Variants in CNTNAP3 observed in about 807,000 individuals in gnomAD.
CNTNAP3 encodes the protein contactin associated protein family member 3.
A neutral mutation model predicts 92.1 loss-of-function variants in CNTNAP3; 36 were observed. The ratio of observed to expected loss-of-function variants is 0.39; its 90% CI spans 0.30 to 0.52. CNTNAP3 has a LOEUF of 0.52. CNTNAP3 is among the 20% of genes least tolerant of loss of function. The probability of loss-of-function intolerance (pLI) is 0.76; values close to 1 mark genes in which losing one functional copy is unlikely to be tolerated. For synonymous variants in CNTNAP3, 232 were observed against 422.3 expected (o/e 0.55, Z 5.53); for missense variants, 534 against 1,069.6 (o/e 0.50, Z 6.98).
Position 39,070,814 on chromosome 9 carries a change from A to C in CNTNAP3, c.*3076T>G, listed in dbSNP as rs1825621269. ...ATATATACACCTAGTATGTACACAA[A>C]AATTAAAAAATAAAAAAGATTTCCC... On this transcript the variant is annotated 3_prime_UTR_variant, in exon 24 of 24. Coordinates refer to ENST00000297668, the MANE Select transcript of CNTNAP3 (RefSeq NM_033655.5). Among the ~76,000 whole-genome samples, 1 of 152,414 alleles carries C rather than the reference A, an allele frequency of 6.6e-6. No homozygotes were observed. Among genetic ancestry groups the C allele is most frequent in the Non-Finnish European group, 1.5e-5 (1 of 68,034 alleles).
chr9:39,112,411 G>T (rs1160983830), intron 14 of CNTNAP3, among the ~76,000 whole-genome samples: 1 of 151,966 alleles, frequency 6.6e-6, no homozygotes, highest in Non-Finnish European at 1.5e-5. Context: ...TGTCGCCCAG[G>T]TTGGAGTGCA....
Position 39,092,004 on chromosome 9 carries a change from C to T in CNTNAP3, c.2996-3357G>A, listed in dbSNP as rs1454731431. Among the ~76,000 whole-genome samples the T allele has an allele frequency of 4.2e-4, 64 of 150,936 alleles. No individual in the cohort carries two copies. In the East Asian group the frequency reaches 0.012, roughly 27 times the overall value. On this transcript the variant is annotated intron_variant, in intron 18 of 23. Transcript: ENST00000297668. ...GTTAGTGTCATCCTAGGAATTCGTC[C>T]ATTTTATCTAAGTTACGTAATTTTT...
At chr9:39,108,196 G>C (rs1305176090) in intron 15 of CNTNAP3, among the ~76,000 whole-genome samples, 1 of 152,122 alleles carries the variant, frequency 6.6e-6, no homozygotes, top group South Asian at 2.1e-4. Context: ...CACACACAGT[G>C]GGTAGGTCTG....
chr9:39,104,684 T>C (rs997936509), intron 15 of CNTNAP3, among the ~76,000 whole-genome samples: 5 of 152,168 alleles, frequency 3.3e-5, no homozygotes, highest in Non-Finnish European at 7.4e-5. Context: ...TTATCTTTTG[T>C]GTACTTTTGA....
chr9:39,120,698 T>A (rs953763064), intron 13 of CNTNAP3, among the ~76,000 whole-genome samples: 1 of 152,032 alleles, frequency 6.6e-6, no homozygotes, highest in African/African-American at 2.4e-5. Flanking sequence ...AAAAAACCTT[T>A]TTAACACAAA....
At chr9:39,114,067 TAC>T (rs997518935) in intron 14 of CNTNAP3, among the ~76,000 whole-genome samples, 7,395 of 143,598 alleles carry the variant, frequency 0.051, 299 homozygotes, top group African/African-American at 0.08. Context: ...TATATATATA[TAC>T]ACACACACAT....
At chr9:39,122,555 C>A (rs1319663086) in intron 13 of CNTNAP3, among the ~76,000 whole-genome samples, 2 of 152,164 alleles carry the variant, frequency 1.3e-5, no homozygotes, top group Non-Finnish European at 2.9e-5. Flanking sequence ...AATAAAATAA[C>A]CTTAGAGGAA....
intron 13 of CNTNAP3, among the ~76,000 whole-genome samples, chr9:39,129,401 G>T (rs1324777146): frequency 1.3e-5 from 2 of 152,052 alleles, no homozygotes. Flanking sequence ...TTCAACAAAT[G>T]GTTCTGGAGC....
intron 13 of CNTNAP3, among the ~76,000 whole-genome samples, chr9:39,125,597 TAAA>T (rs879655567): frequency 1.7e-3 from 259 of 152,296 alleles, no homozygotes; most frequent in Admixed American, 3.2e-3. Context: ...AAATCCTCTT[TAAA>T]TATAAAATAG....
Position 39,074,537 on chromosome 9 carries a change from T to C in CNTNAP3, c.3746-526A>G, listed in dbSNP as rs879464383. On this transcript the variant is annotated intron_variant, in intron 23 of 23. Transcript: ENST00000297668. The stretch of plus-strand genomic sequence containing the variant: ...TTTTGGATATGGCTGTGTTAGGCTT[T>C]TTCCCTACAGGTATATGATGATTGG... Among the ~76,000 whole-genome samples the C allele has an allele frequency of 2.6e-3, 397 of 151,900 alleles. 1 individual carries two copies. The highest frequency in any genetic ancestry group is 4.1e-3 in the Non-Finnish European group (277 of 67,974).
intron 18 of CNTNAP3, among the ~76,000 whole-genome samples, chr9:39,098,284 G>A (rs12683950): frequency 1.3e-5 from 2 of 149,686 alleles, no homozygotes; most frequent in Non-Finnish European, 3.0e-5. Context: ...AATGTGTTTA[G>A]TACACACATA....
Position 39,141,117 on chromosome 9 carries a change from G to T in CNTNAP3, c.1757-479C>A, listed in dbSNP as rs1158426161. On this transcript the variant is annotated intron_variant, in intron 11 of 23. Transcript: ENST00000297668. The stretch of plus-strand genomic sequence containing the variant: ...CAGTGTAAAACACTTGAAGAGATAT[G>T]AGAGGAAAACTTTGTGAATCTGAAT... 8.5e-5 allele frequency among the ~76,000 whole-genome samples: 13 copies of T among 152,288 alleles called. No individual in the cohort carries two copies. The East Asian group carries it at 2.3e-3, about 27-fold the overall frequency.
At chr9:39,137,194 A>G (rs1821460243) in intron 12 of CNTNAP3, among the ~76,000 whole-genome samples, 1 of 151,714 alleles carries the variant, frequency 6.6e-6, no homozygotes, top group Admixed American at 6.6e-5. Flanking sequence ...GGTTGGGTTC[A>G]GTCTTTTTTT....
At position 39,070,385 on chromosome 9, in the gene CNTNAP3, T is replaced by C. The variant is rs1354683257; in HGVS notation, c.*3505A>G. ...ACAGCATGGATGGAACTGGAGGTCA[T>C]TATGTTAAGTGAAATAGGCCAGGCA... On this transcript the variant is annotated 3_prime_UTR_variant, in exon 24 of 24. Coordinates refer to ENST00000297668, the MANE Select transcript of CNTNAP3 (RefSeq NM_033655.5). Among the ~76,000 whole-genome samples the C allele has an allele frequency of 0.14, 13,318 of 96,568 alleles. 27 individuals are homozygous for C. Among genetic ancestry groups the C allele is most frequent in the African/African-American group, 0.26 (5,963 of 23,300 alleles). The allele number at this position is 96,568 out of a possible 152,430, so 63.4% of individuals were successfully genotyped here.
Position 39,159,301 on chromosome 9 carries a change from G to A in CNTNAP3, c.1477+6632C>T, listed in dbSNP as rs2118183859. The A allele has an allele frequency of 1.4e-5, 2 of 146,740 alleles. 1 individual carries two copies. The highest frequency in any genetic ancestry group is 4.3e-4 in the South Asian group (2 of 4,630). The allele number at this position is 146,740 out of a possible 1,614,324, so 9.1% of individuals were successfully genotyped here. The stretch of plus-strand genomic sequence containing the variant: ...CCAAACAAAATAAAACACAGAAACT[G>A]TGTTGGCTATTTTGACTTTCTGTTG... On this transcript the variant is annotated intron_variant, in intron 9 of 23. Coordinates refer to ENST00000297668, the MANE Select transcript of CNTNAP3 (RefSeq NM_033655.5).
chr9:39,093,803 T>C (rs1461977609), intron 18 of CNTNAP3, among the ~76,000 whole-genome samples: 1 of 151,576 alleles, frequency 6.6e-6, no homozygotes, highest in Non-Finnish European at 1.5e-5. Flanking sequence ...ACTATTGTGA[T>C]TAGTGCTACT....
chr9:39,086,836 A>C lies in CNTNAP3; in HGVS notation c.3234T>G (p.Ile1078Met). Residue 1078 changes from isoleucine (I) to methionine (M), a missense_variant, in exon 20 of 24, where the codon ATT (isoleucine) becomes ATG (methionine). Ile to Met is a conservative substitution (Grantham distance 10). Coordinates refer to ENST00000297668, the MANE Select transcript of CNTNAP3 (RefSeq NM_033655.5). Reference sequence around the variant, plus strand: ...TTTGATGTCTATCTAGCTTGTACCTAATCTGCAAACTTCCTAAAAAGAAAA... The same window carrying C: ...TTTGATGTCTATCTAGCTTGTACCTCATCTGCAAACTTCCTAAAAAGAAAA... ...VILANNGSLQ[I>M]RYKLDRHQNP... The C allele has an allele frequency of 5.0e-6, 8 of 1,604,244 alleles. 1 individual carries two copies. In the South Asian group the frequency reaches 9.0e-5, roughly 18 times the overall value.
chr9:39,137,592 A>G (rs977076441), intron 12 of CNTNAP3, among the ~76,000 whole-genome samples: 1 of 151,742 alleles, frequency 6.6e-6, no homozygotes, highest in African/African-American at 2.4e-5. Flanking sequence ...AGCTCACTGC[A>G]TGCTCCGCCT....
At chr9:39,107,366 AAGGGAGGGAGAGAAAGAGGG>A (rs1450549745) in intron 15 of CNTNAP3, among the ~76,000 whole-genome samples, 1 of 145,752 alleles carries the variant, frequency 6.9e-6, no homozygotes, top group Non-Finnish European at 1.5e-5. Flanking sequence ...GGGAGGGAGG[AAGGGAGGGAGAGAAAGAGGG>A]AGGGAGGGAG....
Sources: allele counts gnomAD v4.1 joint callset (sites outside exome capture counted in the v4.1 genomes callset), GRCh38; gene constraint gnomAD v4.1.1; transcripts MANE v1.5; gene names NCBI Gene and HGNC (gene_info 2026-07-23, HGNC 2026-07-21).